CD226: variants seen among roughly 807,000 people sequenced by gnomAD.
CD226 encodes the protein CD226 molecule.
CD226 carries 24 observed loss-of-function variants against 34.9 expected under a neutral mutation model. The observed-to-expected ratio is 0.69, with a 90% CI of 0.50 to 0.97. The LOEUF is 0.97. CD226 is among the 50% of genes least tolerant of loss of function. The probability of loss-of-function intolerance (pLI) is 0.00; values close to 1 mark genes in which losing one functional copy is unlikely to be tolerated. For missense variants in CD226, 397 were observed against 412.7 expected, an observed-to-expected ratio of 0.96 and a Z score of 0.33; for synonymous variants, 148 against 147.4, an observed-to-expected ratio of 1.00 and a Z score of -0.03.
At chr18:69,936,136 C>T (rs142769375) in intron 2 of CD226, among the ~76,000 whole-genome samples, 12 of 152,308 alleles carry the variant, frequency 7.9e-5, no homozygotes, top group African/African-American at 1.7e-4. Flanking sequence ...CGTGCCTGTA[C>T]GTGAATTCCA....
chr18:69,910,865 A>G (rs1016143237), intron 2 of CD226, among the ~76,000 whole-genome samples: 7 of 152,206 alleles, frequency 4.6e-5, no homozygotes, highest in African/African-American at 1.7e-4. Flanking sequence ...AGTCTATAAA[A>G]GAAAAGAAAC....
intron 2 of CD226, among the ~76,000 whole-genome samples, chr18:69,924,692 C>CAAAAAAAAAAAAAAAAAAAAA (rs56118102): frequency 7.0e-5 from 4 of 57,122 alleles, no homozygotes; most frequent in Non-Finnish European, 9.4e-5. Context: ...AAGGTATTGC[C>CAAAAAAAAAAAAAAAAAAAAA]AAAAAAAAAA....
chr18:69,923,681 C>T (rs181528248), intron 2 of CD226, among the ~76,000 whole-genome samples: 6 of 152,242 alleles, frequency 3.9e-5, no homozygotes, highest in South Asian at 2.1e-4. Context: ...AGGCCGGGCG[C>T]GGTGGCTCAC....
chr18:69,911,328 G>C (rs17062739), intron 2 of CD226, among the ~76,000 whole-genome samples: 2 of 152,162 alleles, frequency 1.3e-5, no homozygotes, highest in East Asian at 3.9e-4. Context: ...ACTGAACACC[G>C]GCATCCTTTC....
chr18:69,927,383 C>A (rs1201455165), intron 2 of CD226, among the ~76,000 whole-genome samples: 1 of 146,840 alleles, frequency 6.8e-6, no homozygotes, highest in African/African-American at 2.7e-5. Context: ...CACACACACA[C>A]ACACAAACAC....
intron 5 of CD226, among the ~76,000 whole-genome samples, chr18:69,865,280 A>G (rs1983070375): frequency 6.6e-6 from 1 of 152,172 alleles, no homozygotes; most frequent in Non-Finnish European, 1.5e-5. Flanking sequence ...GTGAGCCACC[A>G]TGACCAGCCA....
chr18:69,864,484 C>T (rs755867674), intron 5 of CD226, 45 bp from the exon 6 acceptor site: 1 of 1,594,466 alleles, frequency 6.3e-7, no homozygotes, highest in Non-Finnish European at 8.6e-7. Flanking sequence ...CACTGCATTT[C>T]AACAACTAAT....
intron 2 of CD226, among the ~76,000 whole-genome samples, chr18:69,936,645 C>T (rs1486360822): frequency 6.6e-6 from 1 of 152,080 alleles, no homozygotes; most frequent in East Asian, 1.9e-4. Flanking sequence ...TGCATACACA[C>T]ACACATGGAT....
intron 2 of CD226, among the ~76,000 whole-genome samples, chr18:69,900,815 A>G (rs2055172788): frequency 6.6e-6 from 1 of 152,080 alleles, no homozygotes; most frequent in Non-Finnish European, 1.5e-5. Flanking sequence ...TTAATTTGCA[A>G]TTCATTTGCA....
At chr18:69,935,188 T>C (rs2055637357) in intron 2 of CD226, among the ~76,000 whole-genome samples, 1 of 152,272 alleles carries the variant, frequency 6.6e-6, no homozygotes, top group African/African-American at 2.4e-5. Context: ...TCTTTTTGTT[T>C]GCTTTTGAAT....
intron 2 of CD226, among the ~76,000 whole-genome samples, chr18:69,909,862 G>A (rs1236856950): frequency 6.6e-6 from 1 of 152,208 alleles, no homozygotes; most frequent in Non-Finnish European, 1.5e-5. Context: ...AGCATTAGTT[G>A]AAATAGAGAA....
At chr18:69,910,930 A>G (rs1427544112) in intron 2 of CD226, among the ~76,000 whole-genome samples, 10 of 152,188 alleles carry the variant, frequency 6.6e-5, no homozygotes, top group Admixed American at 6.5e-4. Context: ...CTTGAGTGGT[A>G]CAAGGCAATG....
chr18:69,939,868 C>T (rs1298407861), intron 2 of CD226, among the ~76,000 whole-genome samples: 2 of 152,158 alleles, frequency 1.3e-5, no homozygotes, highest in East Asian at 1.9e-4. Flanking sequence ...CCTGTACCAT[C>T]GGCTCTCCTG....
rs370638841 is a variant in CD226, at chr18:69,895,684, G to C, written c.727+17C>G. On this transcript the variant is annotated intron_variant, in intron 3 of 5. Transcript: ENST00000582621. ...TTTTCCATGTTTGATACCAGAAGAT[G>C]TCTGGTGCTCACTCACCCTCGGCTA... The C allele has an allele frequency of 1.3e-6, 2 of 1,574,754 alleles. No individual in the cohort carries two copies.
chr18:69,927,832 CCTCCGTAGACA>C (rs2055541995), intron 2 of CD226, among the ~76,000 whole-genome samples: 1 of 152,090 alleles, frequency 6.6e-6, no homozygotes, highest in Admixed American at 6.5e-5. Context: ...TCCATTTATT[CCTCCGTAGACA>C]CTTAGGTTGC....
chr18:69,898,686 A>T (rs556062213), intron 2 of CD226, among the ~76,000 whole-genome samples: 1 of 152,302 alleles, frequency 6.6e-6, no homozygotes, highest in South Asian at 2.1e-4. Context: ...TGACAAACAG[A>T]GTAACTGATT....
intron 4 of CD226, among the ~76,000 whole-genome samples, chr18:69,869,965 T>A (rs1983406469): frequency 6.7e-6 from 1 of 149,640 alleles, no homozygotes; most frequent in African/African-American, 2.5e-5. Flanking sequence ...CATGCCTGGC[T>A]AATTTTTTTT....
chr18:69,939,756 T>G (rs911054008), intron 2 of CD226, among the ~76,000 whole-genome samples: 1 of 152,214 alleles, frequency 6.6e-6, no homozygotes. Context: ...TTGGTGAATT[T>G]TGAATAAGCA....
intron 4 of CD226, among the ~76,000 whole-genome samples, chr18:69,870,189 T>C (rs1443247676): frequency 6.6e-6 from 1 of 151,734 alleles, no homozygotes; most frequent in Non-Finnish European, 1.5e-5. Context: ...AATGTAAAAA[T>C]ATATATCTAA....
Sources: gnomAD v4.1 joint callset for allele counts (sites outside exome capture counted in the v4.1 genomes callset) on GRCh38, gnomAD v4.1.1 for gene constraint, MANE v1.5 for transcripts, NCBI Gene and HGNC (gene_info 2026-07-23, HGNC 2026-07-21) for gene names.